Variants in TBC1D22A observed in about 807,000 individuals in gnomAD.
The protein encoded by TBC1D22A is putative GTPase activator.
In TBC1D22A, 38 loss-of-function variants were observed where a neutral mutation model predicts 60.2. That is an observed-to-expected ratio of 0.63 (90% CI 0.49 to 0.83). The LOEUF is 0.83. Ranked by LOEUF, TBC1D22A falls within the 40% of genes least tolerant of loss-of-function variation. The pLI is 0.00. For missense variants in TBC1D22A, 628 were observed against 701.0 expected, an observed-to-expected ratio of 0.90 and a Z score of 1.18; for synonymous variants, 302 against 281.7, an observed-to-expected ratio of 1.07 and a Z score of -0.72.
chr22:46,784,949 T>C (rs1332414472), intron 1 of TBC1D22A, among the ~76,000 whole-genome samples: 3 of 151,990 alleles, frequency 2.0e-5, no homozygotes, highest in Admixed American at 1.3e-4. Context: ...AGCTGGGCCT[T>C]GAACCCGAGC....
At chr22:47,095,630 C>T (rs1490553979) in intron 11 of TBC1D22A, among the ~76,000 whole-genome samples, 1 of 152,250 alleles carries the variant, frequency 6.6e-6, no homozygotes, top group African/African-American at 2.4e-5. Flanking sequence ...CCCCGTCTCC[C>T]AACTGGGAAC....
Position 46,998,872 on chromosome 22 carries a change from A to G in TBC1D22A, c.1201+1163A>G, listed in dbSNP as rs1178551520. Among the ~76,000 whole-genome samples the G allele has an allele frequency of 2.6e-5, 4 of 152,236 alleles. No homozygotes were observed. The East Asian group carries it at 7.7e-4, about 29-fold the overall frequency. ...CGTTTTTGCCTCCGTCAGTGCGTTC[A>G]TGTGCGCTCACCGCACGCTCCACCG... On this transcript the variant is annotated intron_variant, in intron 10 of 12. Transcript: ENST00000337137.
intron 6 of TBC1D22A, 87 bp downstream of exon 6, chr22:46,891,481 G>A (rs941160074): frequency 1.4e-6 from 2 of 1,435,050 alleles, no homozygotes; most frequent in African/African-American, 1.5e-5. Flanking sequence ...TCAAAACCAT[G>A]TGGAGTTGGT....
chr22:46,962,286 A>G (rs1050798334), intron 8 of TBC1D22A, among the ~76,000 whole-genome samples: 3 of 152,248 alleles, frequency 2.0e-5, no homozygotes, highest in African/African-American at 7.2e-5. Context: ...CCAGACAATA[A>G]AGAATGTGAA....
At chr22:46,913,147 T>G (rs2070078209) in intron 8 of TBC1D22A, among the ~76,000 whole-genome samples, 1 of 152,248 alleles carries the variant, frequency 6.6e-6, no homozygotes, top group African/African-American at 2.4e-5. Context: ...TTTGAATATG[T>G]TTTTAAGTTA....
intron 12 of TBC1D22A, among the ~76,000 whole-genome samples, chr22:47,134,413 G>T (rs4823466): frequency 0.35 from 52,833 of 151,976 alleles, 9,535 homozygotes; most frequent in East Asian, 0.61. Context: ...AAGGAAGGCG[G>T]GTTCTGCTGG....
At chr22:47,040,923 T>C (rs2062820519) in intron 11 of TBC1D22A, among the ~76,000 whole-genome samples, 1 of 152,088 alleles carries the variant, frequency 6.6e-6, no homozygotes, top group Admixed American at 6.5e-5. Context: ...CCACCTCTCG[T>C]TTGAGATCCT....
At chr22:47,081,467 G>A (rs777655558) in intron 11 of TBC1D22A, among the ~76,000 whole-genome samples, 13 of 152,130 alleles carry the variant, frequency 8.5e-5, no homozygotes, top group Non-Finnish European at 1.8e-4. Context: ...CTTCTATTCA[G>A]TATTGCTCTG....
chr22:47,098,014 A>G (rs546719026), intron 11 of TBC1D22A, among the ~76,000 whole-genome samples: 2 of 152,160 alleles, frequency 1.3e-5, no homozygotes, highest in South Asian at 2.1e-4. Context: ...AGCAGCTCTC[A>G]TGGCATGCTG....
chr22:47,169,763 G>T (rs961439243), intron 12 of TBC1D22A, among the ~76,000 whole-genome samples: 1 of 152,256 alleles, frequency 6.6e-6, no homozygotes, highest in Non-Finnish European at 1.5e-5. Flanking sequence ...TACAGCATCA[G>T]TGTGATGAGC....
intron 8 of TBC1D22A, among the ~76,000 whole-genome samples, chr22:46,945,843 C>G (rs2072504262): frequency 6.6e-6 from 1 of 152,224 alleles, no homozygotes. Context: ...ATCCACGGCC[C>G]ACAGCTCAAA....
At chr22:46,880,893 G>A (rs1033493173) in intron 5 of TBC1D22A, among the ~76,000 whole-genome samples, 7 of 152,166 alleles carry the variant, frequency 4.6e-5, no homozygotes, top group African/African-American at 1.7e-4. Flanking sequence ...TTAGATCAGG[G>A]AGCAAAGCTT....
At chr22:47,024,527 T>A (rs1342583470) in intron 10 of TBC1D22A, among the ~76,000 whole-genome samples, 6 of 152,144 alleles carry the variant, frequency 3.9e-5, no homozygotes, top group Admixed American at 2.6e-4. Context: ...ACCAAAGCTC[T>A]GCAGGGGTTC....
intron 10 of TBC1D22A, among the ~76,000 whole-genome samples, chr22:47,014,152 C>T (rs866374898): frequency 6.6e-6 from 1 of 152,232 alleles, no homozygotes; most frequent in Non-Finnish European, 1.5e-5. Flanking sequence ...GATGGGGGCT[C>T]ATCAGGTGCA....
chr22:47,098,190 C>T (rs1222282415), intron 11 of TBC1D22A, among the ~76,000 whole-genome samples: 1 of 152,104 alleles, frequency 6.6e-6, no homozygotes, highest in Non-Finnish European at 1.5e-5. Context: ...AATGTTTTTC[C>T]CTTAACTAGA....
At chr22:46,807,187 A>G (rs888750643) in intron 4 of TBC1D22A, among the ~76,000 whole-genome samples, 4 of 152,150 alleles carry the variant, frequency 2.6e-5, no homozygotes, top group African/African-American at 9.7e-5. Flanking sequence ...GCGTGGAACG[A>G]TGGAGGATCA....
chr22:46,899,109 T>G (rs567872805), intron 7 of TBC1D22A, among the ~76,000 whole-genome samples: 73 of 152,100 alleles, frequency 4.8e-4, no homozygotes, highest in African/African-American at 1.7e-3. Context: ...CTTGTGTGTG[T>G]GGGGAAACTG....
intron 12 of TBC1D22A, among the ~76,000 whole-genome samples, chr22:47,141,018 A>G (rs2147142516): frequency 6.6e-6 from 1 of 152,352 alleles, no homozygotes; most frequent in Non-Finnish European, 1.5e-5. Flanking sequence ...GGTAATTTAT[A>G]AAGAAAAAGA....
chr22:46,850,690 G>C (rs1480011216), intron 4 of TBC1D22A, among the ~76,000 whole-genome samples: 2 of 152,094 alleles, frequency 1.3e-5, no homozygotes, highest in African/African-American at 4.8e-5. Flanking sequence ...TGGACTCCTA[G>C]GTATGTATAT....
Sources: allele counts gnomAD v4.1 joint callset (sites outside exome capture counted in the v4.1 genomes callset), GRCh38; gene constraint gnomAD v4.1.1; transcripts MANE v1.5; gene names NCBI Gene and HGNC (gene_info 2026-07-23, HGNC 2026-07-21).